PLXDC2: variants seen among roughly 807,000 people sequenced by gnomAD.
PLXDC2 encodes the protein plexin domain-containing protein 2.
A neutral mutation model predicts 68.9 loss-of-function variants in PLXDC2; 40 were observed. That is an observed-to-expected ratio of 0.58 (90% confidence interval 0.45 to 0.76). The LOEUF (loss-of-function observed/expected upper bound fraction) is 0.76, where lower values mean the gene tolerates loss of function less well. Ranked by LOEUF, PLXDC2 falls within the 30% of genes least tolerant of loss-of-function variation. The pLI, the probability that PLXDC2 is intolerant of heterozygous loss-of-function variation, is 0.00. For synonymous variants in PLXDC2, 243 were observed against 234.2 expected (o/e 1.04, Z -0.34); for missense variants, 644 against 661.9 (o/e 0.97, Z 0.30).
intron 1 of PLXDC2, among the ~76,000 whole-genome samples, chr10:19,934,324 A>G (rs1365694907): frequency 6.6e-6 from 1 of 152,254 alleles, no homozygotes; most frequent in African/African-American, 2.4e-5. Flanking sequence ...AATTACTTTG[A>G]GGATTTCTCA....
At chr10:20,169,130 AAAATGG>A (rs1834413060) in intron 7 of PLXDC2, among the ~76,000 whole-genome samples, 1 of 152,192 alleles carries the variant, frequency 6.6e-6, no homozygotes, top group Non-Finnish European at 1.5e-5. Flanking sequence ...TATTATCAGT[AAAATGG>A]TGCTAAACGT....
chr10:20,135,103 C>G (rs916582686), intron 4 of PLXDC2, among the ~76,000 whole-genome samples: 3 of 152,198 alleles, frequency 2.0e-5, no homozygotes, highest in African/African-American at 7.2e-5. Flanking sequence ...GTATTTTTGT[C>G]CATGGATGGT....
rs775658546 is a variant in PLXDC2, at chr10:20,014,455, CTCTT to C, written c.324+12483_324+12486del. ...CTTTCCTTCCTTCCTTCCCCTCTCT[CTCTT>C]TCTTTCTTTCTTTTTTTTCCTTTCT... On this transcript the variant is annotated intron_variant, in intron 2 of 13. Transcript: ENST00000377252. 4.5e-4 allele frequency among the ~76,000 whole-genome samples: 65 copies of C among 145,226 alleles called. 3 individuals are homozygous for C. The highest frequency in any genetic ancestry group is 8.8e-4 in the African/African-American group (35 of 39,554).
chr10:19,942,293 A>C (rs1833832905), intron 1 of PLXDC2, among the ~76,000 whole-genome samples: 1 of 152,230 alleles, frequency 6.6e-6, no homozygotes, highest in Admixed American at 6.5e-5. Flanking sequence ...CCCTTCTACT[A>C]TACTAAAAAG....
intron 9 of PLXDC2, among the ~76,000 whole-genome samples, chr10:20,199,967 G>A (rs1345537160): frequency 1.3e-5 from 2 of 151,718 alleles, no homozygotes; most frequent in East Asian, 1.9e-4. Flanking sequence ...AAAGAGTTTC[G>A]AGAAATAAAC....
In PLXDC2 at chr10:19,816,859, C is replaced by G. The variant is rs940770787; in HGVS notation, c.-221C>G. 1 of 579,868 alleles carries G rather than the reference C, an allele frequency of 1.7e-6. No individual in the cohort carries two copies. The highest frequency in any genetic ancestry group is 3.1e-6 in the Non-Finnish European group (1 of 326,344). The allele number at this position is 579,868 out of a possible 1,614,324, so 35.9% of individuals were successfully genotyped here. A position where few individuals can be genotyped will look rare whatever the true frequency, so the allele number is the denominator to read the frequency against. ...TGAGGGCTGCGAGTGTGGCAAGTTG[C>G]AAAGAGAGCCTCAGAGGTCCGAAGA... On this transcript the variant is annotated 5_prime_UTR_variant, in exon 1 of 14. Transcript: ENST00000377252.
At chr10:20,170,821 G>T (rs2131820723) in intron 7 of PLXDC2, among the ~76,000 whole-genome samples, 1 of 151,040 alleles carries the variant, frequency 6.6e-6, no homozygotes, top group East Asian at 1.9e-4. Context: ...TGTTGGATAG[G>T]GTAACAATAG....
chr10:20,004,031 A>G (rs1045883434), intron 2 of PLXDC2, among the ~76,000 whole-genome samples: 3 of 152,188 alleles, frequency 2.0e-5, no homozygotes, highest in Non-Finnish European at 2.9e-5. Context: ...TTTAAGAACC[A>G]GGCAGCATTC....
chr10:20,013,978 A>C (rs1313320787), intron 2 of PLXDC2, among the ~76,000 whole-genome samples: 1 of 152,216 alleles, frequency 6.6e-6, no homozygotes, highest in African/African-American at 2.4e-5. Context: ...TGCTAGAACA[A>C]AATTATAAGT....
intron 6 of PLXDC2, among the ~76,000 whole-genome samples, chr10:20,148,906 C>T (rs1324403817): frequency 6.6e-6 from 1 of 152,148 alleles, no homozygotes; most frequent in Non-Finnish European, 1.5e-5. Context: ...AATTTAATTA[C>T]AATTAAATAG....
intron 1 of PLXDC2, among the ~76,000 whole-genome samples, chr10:19,989,540 G>A (rs1054612061): frequency 6.6e-6 from 1 of 152,084 alleles, no homozygotes; most frequent in East Asian, 1.9e-4. Flanking sequence ...GTACACACAT[G>A]CATACCTGTA....
intron 1 of PLXDC2, among the ~76,000 whole-genome samples, chr10:19,899,335 T>A (rs2131366147): frequency 6.6e-6 from 1 of 152,300 alleles, no homozygotes; most frequent in South Asian, 2.1e-4. Flanking sequence ...AGGTCCGATT[T>A]CTTTCCCAAC....
At chr10:20,134,657 A>G (rs1348043753) in intron 4 of PLXDC2, among the ~76,000 whole-genome samples, 2 of 152,154 alleles carry the variant, frequency 1.3e-5, no homozygotes, top group Non-Finnish European at 2.9e-5. Context: ...ACCTGGCACA[A>G]GGGTTCACAG....
intron 1 of PLXDC2, among the ~76,000 whole-genome samples, chr10:19,823,322 G>A (rs1034521903): frequency 2.6e-5 from 4 of 151,812 alleles, no homozygotes; most frequent in African/African-American, 7.3e-5. Context: ...GTTCTTTGTG[G>A]GATTCTTTTT....
rs201580211 is a variant in PLXDC2 at position 20,044,191 on chromosome 10, TTCTC to T, written c.325-2662_325-2659del. Among the ~76,000 whole-genome samples, 167 of 127,494 alleles carry T rather than the reference TTCTC, an allele frequency of 1.3e-3. 1 individual carries two copies. The highest frequency in any genetic ancestry group is 7.4e-3 in the Middle Eastern group (2 of 272). 83.6% of individuals were successfully genotyped at this position (127,494 alleles called of 152,430 possible). A position where few individuals can be genotyped will look rare whatever the true frequency, so the allele number is the denominator to read the frequency against. ...TTTCTTTCTTTCCTTCTTTCTTTCT[TTCTC>T]TCTCTCTCTCTCTCTGTCTTTCTTT... is the stretch of plus-strand genomic sequence containing the variant. On this transcript the variant is annotated intron_variant, in intron 2 of 13. Transcript: ENST00000377252.
rs370681298 is a variant in PLXDC2, at chr10:20,180,541, A to G, written c.1061+3132A>G. Reference sequence around the variant, plus strand: ...CAGGAGAAGTCTTATCCTAAGCAGCACAAAAATTGCCCCTCTGATTTTTTT... The same window carrying G: ...CAGGAGAAGTCTTATCCTAAGCAGCGCAAAAATTGCCCCTCTGATTTTTTT... On this transcript the variant is annotated intron_variant, in intron 9 of 13. Coordinates refer to ENST00000377252, the MANE Select transcript of PLXDC2 (RefSeq NM_032812.9). Among the ~76,000 whole-genome samples the G allele has an allele frequency of 7.2e-5, 11 of 152,202 alleles. No homozygotes were observed. In the East Asian group the frequency reaches 1.7e-3, roughly 24 times the overall value.
At chr10:19,820,124 T>C (rs1341200508) in intron 1 of PLXDC2, among the ~76,000 whole-genome samples, 1 of 152,246 alleles carries the variant, frequency 6.6e-6, no homozygotes, top group Non-Finnish European at 1.5e-5. Flanking sequence ...AACATTTATA[T>C]CAAAGGTAAT....
chr10:19,844,812 C>T (rs990437462), intron 1 of PLXDC2, among the ~76,000 whole-genome samples: 1 of 151,984 alleles, frequency 6.6e-6, no homozygotes, highest in Non-Finnish European at 1.5e-5. Flanking sequence ...GCTATGTTGT[C>T]CAGGCTGGTC....
intron 4 of PLXDC2, among the ~76,000 whole-genome samples, chr10:20,121,024 G>T (rs940914565): frequency 2.6e-5 from 4 of 152,166 alleles, no homozygotes; most frequent in African/African-American, 9.7e-5. Flanking sequence ...GTCAGTTGTG[G>T]TATCAGGAAT....
Sources: gnomAD v4.1 joint callset for allele counts (sites outside exome capture counted in the v4.1 genomes callset) on GRCh38, gnomAD v4.1.1 for gene constraint, MANE v1.5 for transcripts, NCBI Gene and HGNC (gene_info 2026-07-23, HGNC 2026-07-21) for gene names.